Variants in CIRSR observed in about 807,000 individuals in gnomAD.
CIRSR encodes the protein corepressor of RBPJ and splicing regulator, also known as CBF1 (RBPJ) interacting corepressor 1.
the CIRSR span, among the ~76,000 whole-genome samples, chr2:174,377,645 C>G: frequency 6.6e-6 from 1 of 151,416 alleles, no homozygotes; most frequent in Non-Finnish European, 1.5e-5. Context: ...TGGCAAAACC[C>G]TATCTCTATT....
At chr2:174,384,653 G>C in the CIRSR span, among the ~76,000 whole-genome samples, 1 of 151,408 alleles carries the variant, frequency 6.6e-6, no homozygotes, top group African/African-American at 2.4e-5. Context: ...TCAAACTCCT[G>C]GACTCAAGCA....
chr2:174,356,526 AGAAGAAAGGAAG>A, the CIRSR span, among the ~76,000 whole-genome samples: 1 of 133,290 alleles, frequency 7.5e-6, no homozygotes, highest in Non-Finnish European at 1.5e-5. Flanking sequence ...AAAGAAAGAA[AGAAGAAAGGAAG>A]GAAGGAAGGA....
At chr2:174,394,995 C>T in the CIRSR span, among the ~76,000 whole-genome samples, 12 of 152,298 alleles carry the variant, frequency 7.9e-5, no homozygotes, top group African/African-American at 2.4e-4. Flanking sequence ...TAACTAGAAT[C>T]CAGGTTTGAC....
chr2:174,351,824 C>T, the CIRSR span: 1 of 767,746 alleles, frequency 1.3e-6, no homozygotes, highest in African/African-American at 1.8e-5. Flanking sequence ...TAAGTAAAAT[C>T]ACAGCTAAAT....
the CIRSR span, among the ~76,000 whole-genome samples, chr2:174,385,215 CAAAAAAA>C: frequency 1.1e-5 from 1 of 94,130 alleles, no homozygotes; most frequent in Middle Eastern, 6.4e-3. Context: ...ACCTTCCTCT[CAAAAAAA>C]AAAAAAAAAA....
At chr2:174,373,322 T>C in the CIRSR span, among the ~76,000 whole-genome samples, 2 of 152,234 alleles carry the variant, frequency 1.3e-5, no homozygotes, top group African/African-American at 4.8e-5. Flanking sequence ...AAGAATTAAT[T>C]CAGTCGGCTA....
the CIRSR span, among the ~76,000 whole-genome samples, chr2:174,374,555 C>T: frequency 6.6e-6 from 1 of 152,312 alleles, no homozygotes; most frequent in African/African-American, 2.4e-5. Context: ...CAAAAAACTT[C>T]AGTTCTAAGA....
At chr2:174,369,789 T>A in the CIRSR span, among the ~76,000 whole-genome samples, 2 of 152,186 alleles carry the variant, frequency 1.3e-5, no homozygotes, top group Admixed American at 6.5e-5. Flanking sequence ...AAGTTTGCCA[T>A]CTTCTATAGG....
the CIRSR span, chr2:174,348,609 T>C: frequency 3.1e-6 from 5 of 1,614,234 alleles, no homozygotes; most frequent in Non-Finnish European, 3.4e-6. Context: ...TCTGCTTTGC[T>C]CTTCACCAGG....
chr2:174,360,196 C>T, the CIRSR span, among the ~76,000 whole-genome samples: 1 of 152,156 alleles, frequency 6.6e-6, no homozygotes, highest in Non-Finnish European at 1.5e-5. Context: ...CACCCTAGAA[C>T]TTAAAGTAAA....
At chr2:174,380,925 A>T in the CIRSR span, 1 of 861,432 alleles carries the variant, frequency 1.2e-6, no homozygotes, top group Non-Finnish European at 1.7e-6. Context: ...TGTCACTTGT[A>T]AGAATTCATT....
the CIRSR span, among the ~76,000 whole-genome samples, chr2:174,377,802 G>C: frequency 8.7e-6 from 1 of 114,332 alleles, no homozygotes; most frequent in Non-Finnish European, 1.6e-5. Flanking sequence ...TCCAGCCTGG[G>C]CAACAGAGCC....
At chr2:174,376,802 A>G in the CIRSR span, among the ~76,000 whole-genome samples, 241 of 67,702 alleles carry the variant, frequency 3.6e-3, 1 homozygote, top group South Asian at 0.049. Context: ...TGTCTCAGGG[A>G]AAAAAAAAAA....
At chr2:174,388,879 T>C in the CIRSR span, among the ~76,000 whole-genome samples, 2 of 152,172 alleles carry the variant, frequency 1.3e-5, no homozygotes, top group East Asian at 3.9e-4. Context: ...GCTGTTCTCA[T>C]GACAGTGGGT....
At chr2:174,356,875 A>G in the CIRSR span, among the ~76,000 whole-genome samples, 3 of 152,162 alleles carry the variant, frequency 2.0e-5, no homozygotes, top group East Asian at 1.9e-4. Context: ...TTCAACAATT[A>G]ACAATATTTT....
At chr2:174,367,338 G>A in the CIRSR span, among the ~76,000 whole-genome samples, 1 of 152,102 alleles carries the variant, frequency 6.6e-6, no homozygotes, top group African/African-American at 2.4e-5. Context: ...CCAGCACTTT[G>A]GGAGGCCGAG....
At chr2:174,376,755 G>A in the CIRSR span, among the ~76,000 whole-genome samples, 1 of 136,082 alleles carries the variant, frequency 7.3e-6, no homozygotes, top group African/African-American at 2.8e-5. Flanking sequence ...CCAAGATCGT[G>A]CCACCACACT....
At chr2:174,381,668 AAAG>A in the CIRSR span, 4 of 1,536,584 alleles carry the variant, frequency 2.6e-6, no homozygotes, top group South Asian at 1.2e-5. Flanking sequence ...GAAAAAAAAA[AAAG>A]AAAGAAAAAA....
the CIRSR span, among the ~76,000 whole-genome samples, chr2:174,355,381 C>T: frequency 6.6e-6 from 1 of 152,112 alleles, no homozygotes; most frequent in African/African-American, 2.4e-5. Context: ...AGAAAGAAGG[C>T]ATTTGTTCTA....
Sources: allele counts gnomAD v4.1 joint callset (sites outside exome capture counted in the v4.1 genomes callset), GRCh38; gene constraint gnomAD v4.1.1; transcripts MANE v1.5; gene names NCBI Gene and HGNC (gene_info 2026-07-23, HGNC 2026-07-21).